TFEC: variants seen among roughly 807,000 people sequenced by gnomAD.
The protein encoded by TFEC is class E basic helix-loop-helix protein 34.
A neutral mutation model predicts 41.6 loss-of-function variants in TFEC; 31 were observed. The ratio of observed to expected loss-of-function variants is 0.74; its 90% CI spans 0.56 to 1.01. TFEC has a LOEUF of 1.01. Ranked by LOEUF, TFEC falls within the 50% of genes least tolerant of loss-of-function variation. The probability of loss-of-function intolerance (pLI) is 0.00; values close to 1 mark genes in which losing one functional copy is unlikely to be tolerated. For missense variants in TFEC, 402 were observed against 404.1 expected (o/e 0.99, Z 0.04); for synonymous variants, 143 against 140.6 (o/e 1.02, Z -0.12).
At chr7:115,949,060 C>A (rs1381448237) in intron 6 of TFEC, among the ~76,000 whole-genome samples, 2 of 152,100 alleles carry the variant, frequency 1.3e-5, no homozygotes, top group Non-Finnish European at 1.5e-5. Flanking sequence ...AAATAACAGA[C>A]AAACGGAGAG....
rs1793430267 is a variant in TFEC at position 115,940,455 on chromosome 7, A to C, written c.*96T>G. 1.5e-6 allele frequency: 2 copies of C among 1,374,472 alleles called. No homozygotes were observed. The highest frequency in any genetic ancestry group is 2.5e-5 in the Admixed American group (1 of 40,312). The allele number at this position is 1,374,472 out of a possible 1,614,324, so 85.1% of individuals were successfully genotyped here. A position where few individuals can be genotyped will look rare whatever the true frequency, so the allele number is the denominator to read the frequency against. ...ATGAACAACACATTCCTTTAAGAAA[A>C]AAAATAAGCCAAAGCAACATATGAA... On this transcript the variant is annotated 3_prime_UTR_variant, in exon 8 of 8. Coordinates refer to ENST00000265440, the MANE Select transcript of TFEC (RefSeq NM_012252.4).
chr7:116,093,341 C>T (rs1262714831), intron 3 of TFEC, among the ~76,000 whole-genome samples: 1 of 151,938 alleles, frequency 6.6e-6, no homozygotes, highest in Non-Finnish European at 1.5e-5. Flanking sequence ...CAAGGGCACA[C>T]ATATGAGAAA....
At chr7:116,043,471 T>C (rs1796088441) in intron 3 of TFEC, among the ~76,000 whole-genome samples, 1 of 152,152 alleles carries the variant, frequency 6.6e-6, no homozygotes. Context: ...CATCCAATTG[T>C]TGCTAGAAAA....
intron 2 of TFEC, among the ~76,000 whole-genome samples, chr7:115,982,221 A>C (rs1206939490): frequency 6.6e-6 from 1 of 152,036 alleles, no homozygotes; most frequent in African/African-American, 2.4e-5. Context: ...AAAAAAACAA[A>C]AAAAAACAAA....
chr7:116,122,474 G>A (rs1055478432), intron 1 of TFEC, among the ~76,000 whole-genome samples: 1 of 152,000 alleles, frequency 6.6e-6, no homozygotes, highest in African/African-American at 2.4e-5. Flanking sequence ...GATTTCCATG[G>A]AAACATGCAT....
At chr7:116,065,233 A>T (rs1452418420) in intron 3 of TFEC, among the ~76,000 whole-genome samples, 1 of 152,170 alleles carries the variant, frequency 6.6e-6, no homozygotes, top group East Asian at 1.9e-4. Context: ...TGCCCCAGCC[A>T]TGCTACCAAG....
At position 115,966,844 on chromosome 7, in the gene TFEC, G is replaced by A. The variant is rs148106415; in HGVS notation, c.267+7326C>T. Among the ~76,000 whole-genome samples the A allele has an allele frequency of 2.1e-3, 315 of 151,852 alleles. 1 individual carries two copies. The highest frequency in any genetic ancestry group is 7.1e-3 in the African/African-American group (296 of 41,456). On this transcript the variant is annotated intron_variant, in intron 3 of 7. Transcript: ENST00000265440. Reference sequence around the variant, plus strand: ...TAAGCATCCAAATCTAAGGCTCAACGTTGGGAAAGCCCTCTTCAGCACTCC... The same window carrying A: ...TAAGCATCCAAATCTAAGGCTCAACATTGGGAAAGCCCTCTTCAGCACTCC...
chr7:116,131,135 T>A (rs1798323857), intron 1 of TFEC, among the ~76,000 whole-genome samples: 1 of 152,230 alleles, frequency 6.6e-6, no homozygotes, highest in East Asian at 1.9e-4. Flanking sequence ...CAGCAAATTT[T>A]TAAAAGTAAG....
chr7:116,050,372 A>G (rs1280777499), intron 3 of TFEC, among the ~76,000 whole-genome samples: 1 of 152,226 alleles, frequency 6.6e-6, no homozygotes, highest in African/African-American at 2.4e-5. Context: ...CAAATGAACT[A>G]GAGAATCTAG....
intron 3 of TFEC, among the ~76,000 whole-genome samples, chr7:116,041,741 A>G (rs943683462): frequency 7.2e-5 from 11 of 152,196 alleles, no homozygotes; most frequent in Non-Finnish European, 1.3e-4. Flanking sequence ...GAGATTTCAC[A>G]GGTTTTATAA....
intron 3 of TFEC, among the ~76,000 whole-genome samples, chr7:116,102,520 G>T (rs1292298379): frequency 1.3e-5 from 2 of 152,140 alleles, no homozygotes; most frequent in Admixed American, 6.5e-5. Context: ...CCTTGATTAG[G>T]GTGGTAGCAG....
At chr7:116,078,838 A>G (rs887158604) in intron 3 of TFEC, among the ~76,000 whole-genome samples, 4 of 152,042 alleles carry the variant, frequency 2.6e-5, no homozygotes, top group Admixed American at 1.3e-4. Context: ...TATGAAGTCA[A>G]TATCACCCTA....
At chr7:116,081,322 C>G (rs1277110112) in intron 3 of TFEC, among the ~76,000 whole-genome samples, 1 of 151,764 alleles carries the variant, frequency 6.6e-6, no homozygotes, top group Non-Finnish European at 1.5e-5. Context: ...AAAAATAAGT[C>G]CATCTCATTA....
intron 1 of TFEC, among the ~76,000 whole-genome samples, chr7:116,152,248 GAAC>G: frequency 6.6e-6 from 1 of 152,066 alleles, no homozygotes. Context: ...TTCCGACATG[GAAC>G]AACAGGCACC....
intron 1 of TFEC, among the ~76,000 whole-genome samples, chr7:116,006,152 G>A (rs918911250): frequency 6.6e-6 from 1 of 152,200 alleles, no homozygotes; most frequent in Admixed American, 6.5e-5. Flanking sequence ...GAAATGTGGG[G>A]TCAGAGCCTC....
At chr7:116,130,136 T>C (rs1022365994) in intron 1 of TFEC, among the ~76,000 whole-genome samples, 1 of 151,266 alleles carries the variant, frequency 6.6e-6, no homozygotes, top group African/African-American at 2.4e-5. Flanking sequence ...TGAAGCCCCA[T>C]CCACTAGAAA....
At chr7:116,003,498 C>G (rs1376219695) in intron 1 of TFEC, among the ~76,000 whole-genome samples, 2 of 152,006 alleles carry the variant, frequency 1.3e-5, no homozygotes, top group East Asian at 3.9e-4. Flanking sequence ...TCCAAAAACA[C>G]AGGGAACGGC....
chr7:115,978,205 G>C (rs935583681), intron 2 of TFEC, among the ~76,000 whole-genome samples: 1 of 151,976 alleles, frequency 6.6e-6, no homozygotes, highest in Non-Finnish European at 1.5e-5. Context: ...GTTAAAAAAG[G>C]TATCATAAAT....
At chr7:116,112,998 T>C (rs1451968203) in intron 1 of TFEC, among the ~76,000 whole-genome samples, 4 of 152,018 alleles carry the variant, frequency 2.6e-5, no homozygotes, top group Admixed American at 6.6e-5. Flanking sequence ...AGCTGGTCTA[T>C]GAATTCATGA....
Sources: gnomAD v4.1 joint callset for allele counts (sites outside exome capture counted in the v4.1 genomes callset) on GRCh38, gnomAD v4.1.1 for gene constraint, MANE v1.5 for transcripts, NCBI Gene and HGNC (gene_info 2026-07-23, HGNC 2026-07-21) for gene names.